The following MLIP variants were observed in gnomAD, a reference collection of about 807,000 sequenced individuals.
MLIP encodes muscular LMNA-interacting protein.
MLIP carries 79 observed loss-of-function variants against 84.8 expected under a neutral mutation model. The observed-to-expected ratio is 0.93, with a 90% CI of 0.78 to 1.12. MLIP has a LOEUF of 1.12. MLIP is among the 50% of genes most tolerant of loss of function. The pLI is 0.00. For missense variants in MLIP, 1,257 were observed against 1,160.6 expected (o/e 1.08, Z -1.21); for synonymous variants, 504 against 463.0 (o/e 1.09, Z -1.14).
At chr6:54,104,494 A>G (rs1198696094) in intron 1 of MLIP, among the ~76,000 whole-genome samples, 1 of 152,100 alleles carries the variant, frequency 6.6e-6, no homozygotes, top group Non-Finnish European at 1.5e-5. Flanking sequence ...TCAATCTATC[A>G]TTCATTTATT....
intron 1 of MLIP, among the ~76,000 whole-genome samples, chr6:54,091,865 A>C (rs950823706): frequency 1.1e-4 from 16 of 152,066 alleles, no homozygotes; most frequent in African/African-American, 3.9e-4. Flanking sequence ...ACTTTTTTGT[A>C]ATTAACTAAT....
chr6:54,173,322 A>C (rs1775956168), intron 9 of MLIP, among the ~76,000 whole-genome samples: 1 of 151,802 alleles, frequency 6.6e-6, no homozygotes, highest in Non-Finnish European at 1.5e-5. Flanking sequence ...TTCTTTAAAT[A>C]TTTTATCCAT....
chr6:54,124,757 C>T lies in MLIP; in HGVS notation c.537C>T (p.Ser179=), dbSNP rs1222302242. 6.2e-7 allele frequency: 1 copy of T among 1,614,192 alleles called. No homozygotes were observed. The highest frequency in any genetic ancestry group is 8.5e-7 in the Non-Finnish European group (1 of 1,180,032). ...GGCCCAAGTCTCTAGCTATCTCGTCCAGTCTGGTCTCTGATGTAGTGCGTC... is the reference window on the plus strand; with the variant it reads ...GGCCCAAGTCTCTAGCTATCTCGTCTAGTCTGGTCTCTGATGTAGTGCGTC... ...AVRPKSLAIS[S]SLVSDVVRPK... The change falls in exon 3 of 14, where the codon TCC becomes TCT. Residue 179 remains serine (S), a synonymous_variant. Coordinates refer to ENST00000502396, the MANE Select transcript of MLIP (RefSeq NM_001281747.2).
intron 12 of MLIP, among the ~76,000 whole-genome samples, chr6:54,231,540 T>C (rs369464563): frequency 6.0e-4 from 91 of 152,226 alleles, no homozygotes; most frequent in Middle Eastern, 3.4e-3. Context: ...ATAGTTGGCT[T>C]TGGAATTGAA....
chr6:54,165,096 T>C (rs1057076054), intron 8 of MLIP, among the ~76,000 whole-genome samples: 4 of 151,980 alleles, frequency 2.6e-5, no homozygotes, highest in Non-Finnish European at 5.9e-5. Context: ...TGGGTGTATA[T>C]ATGCCTGGTG....
chr6:54,143,395 G>A (rs1178850487), intron 4 of MLIP, among the ~76,000 whole-genome samples: 2 of 151,920 alleles, frequency 1.3e-5, no homozygotes, highest in South Asian at 4.2e-4. Flanking sequence ...TAGTAGAGAC[G>A]GGGTTTCACC....
rs934890648 is a variant in MLIP at position 54,056,634 on chromosome 6, A to C, written c.63+37543A>C. On this transcript the variant is annotated intron_variant, in intron 1 of 12. Coordinates refer to the MLIP transcript ENST00000274897. ...GATACTGAAAAATCCCCAATCTTCT[A>C]TATGCAGAAAAATGCTAAAACCCAT... 3.9e-5 allele frequency among the ~76,000 whole-genome samples: 6 copies of C among 152,164 alleles called. No homozygotes were observed. The South Asian group carries it at 1.0e-3, about 26-fold the overall frequency.
intron 11 of MLIP, among the ~76,000 whole-genome samples, chr6:54,204,947 A>G (rs981941445): frequency 6.6e-6 from 1 of 152,194 alleles, no homozygotes; most frequent in African/African-American, 2.4e-5. Context: ...TCAGAATTGA[A>G]AGAAGCCTAG....
chr6:54,191,756 G>T (rs1357967810), intron 10 of MLIP, among the ~76,000 whole-genome samples: 1 of 152,022 alleles, frequency 6.6e-6, no homozygotes, highest in East Asian at 1.9e-4. Context: ...TCCCACTTTA[G>T]ATATGGAAAT....
At chr6:54,074,653 T>G (rs1766683796) in intron 1 of MLIP, among the ~76,000 whole-genome samples, 1 of 152,196 alleles carries the variant, frequency 6.6e-6, no homozygotes, top group African/African-American at 2.4e-5. Flanking sequence ...TTCACACAGC[T>G]GCTGAAGCTC....
intron 11 of MLIP, among the ~76,000 whole-genome samples, chr6:54,220,896 G>T (rs1437581725): frequency 6.6e-6 from 1 of 151,764 alleles, no homozygotes; most frequent in African/African-American, 2.4e-5. Flanking sequence ...AACATTTATA[G>T]GTAACCTATA....
At chr6:54,026,414 T>C (rs1207370440) in intron 1 of MLIP, among the ~76,000 whole-genome samples, 1 of 152,244 alleles carries the variant, frequency 6.6e-6, no homozygotes, top group Non-Finnish European at 1.5e-5. Flanking sequence ...TAAATCTCTT[T>C]TGAATAAGAA....
chr6:54,099,026 C>G (rs753363499), intron 1 of MLIP, among the ~76,000 whole-genome samples: 2 of 152,092 alleles, frequency 1.3e-5, no homozygotes, highest in East Asian at 3.9e-4. Flanking sequence ...AAAGTAATGA[C>G]TTTGCAAAAA....
chr6:54,143,811 G>T (rs1340594787), intron 4 of MLIP, among the ~76,000 whole-genome samples: 1 of 152,052 alleles, frequency 6.6e-6, no homozygotes, highest in Non-Finnish European at 1.5e-5. Flanking sequence ...AATATTTGCT[G>T]AACATCTTTT....
At chr6:54,085,597 C>T (rs763094634) in intron 1 of MLIP, among the ~76,000 whole-genome samples, 20 of 152,080 alleles carry the variant, frequency 1.3e-4, no homozygotes, top group Admixed American at 9.8e-4. Flanking sequence ...GTAAACAAAA[C>T]GAATCAGTGA....
intron 11 of MLIP, among the ~76,000 whole-genome samples, chr6:54,213,828 G>A (rs1257241153): frequency 1.3e-5 from 2 of 148,230 alleles, no homozygotes; most frequent in Non-Finnish European, 3.0e-5. Flanking sequence ...CATGCTTTTT[G>A]AATCAATAAA....
intron 8 of MLIP, among the ~76,000 whole-genome samples, chr6:54,168,494 G>T (rs1271410634): frequency 2.0e-5 from 3 of 151,698 alleles, no homozygotes; most frequent in African/African-American, 4.8e-5. Context: ...ACGTATTTAT[G>T]ATTTCATTGC....
chr6:54,086,972 C>G (rs973727681), intron 1 of MLIP, among the ~76,000 whole-genome samples: 1 of 152,150 alleles, frequency 6.6e-6, no homozygotes, highest in Non-Finnish European at 1.5e-5. Context: ...CCACAATATT[C>G]TAAGATATTA....
At chr6:54,208,200 C>T (rs1408808814) in intron 11 of MLIP, among the ~76,000 whole-genome samples, 2 of 152,032 alleles carry the variant, frequency 1.3e-5, no homozygotes, top group Non-Finnish European at 2.9e-5. Flanking sequence ...TATTAAACAA[C>T]AACATTTCAA....
Sources: allele counts gnomAD v4.1 joint callset (sites outside exome capture counted in the v4.1 genomes callset), GRCh38; gene constraint gnomAD v4.1.1; transcripts MANE v1.5; gene names NCBI Gene and HGNC (gene_info 2026-07-23, HGNC 2026-07-21).